The following IQANK1 variants were observed in gnomAD, a reference collection of about 807,000 sequenced individuals.
The protein encoded by IQANK1 is IQ motif and ankyrin repeat domain-containing protein 1.
IQANK1 carries 30 observed loss-of-function variants against 22.6 expected under a neutral mutation model. The observed-to-expected ratio is 1.33, with a 90% CI of 0.99 to 1.80. The LOEUF is 1.80. Ranked by LOEUF, IQANK1 falls within the 40% of genes most tolerant of loss-of-function variation. IQANK1 has a pLI of 0.00. For synonymous variants in IQANK1, 122 were observed against 99.6 expected (o/e 1.23, Z -1.34); for missense variants, 275 against 235.2 (o/e 1.17, Z -1.11).
At chr8:143,776,683 G>A (rs1409564181) in intron 7 of IQANK1, among the ~76,000 whole-genome samples, 1 of 152,176 alleles carries the variant, frequency 6.6e-6, no homozygotes, top group African/African-American at 2.4e-5. Flanking sequence ...GACAGCTGAA[G>A]AAAGAAAGAA....
rs370833444 is a variant in IQANK1 at position 143,766,516 on chromosome 8, C to CA, written c.176-4967dup. Among the ~76,000 whole-genome samples the CA allele has an allele frequency of 5.8e-3, 879 of 151,972 alleles. 4 individuals are homozygous for CA. Among genetic ancestry groups the CA allele is most frequent in the African/African-American group, 0.018 (749 of 41,440 alleles). ...TGAAACCCCATCTCTACTAAAAATA[C>CA]AAAAATTAGCCAGGCGTGGTGGTGG... On this transcript the variant is annotated intron_variant, in intron 3 of 13. Transcript: ENST00000527139.
At chr8:143,734,390 A>C in intron 1 of IQANK1, among the ~76,000 whole-genome samples, 171 bp downstream of exon 1, 1 of 129,258 alleles carries the variant, frequency 7.7e-6, no homozygotes. Context: ...CACCACACAC[A>C]CTGATGCCCA....
At chr8:143,748,585 T>C (rs1260347204) in intron 3 of IQANK1, among the ~76,000 whole-genome samples, 2 of 133,626 alleles carry the variant, frequency 1.5e-5, no homozygotes, top group Non-Finnish European at 3.1e-5. Flanking sequence ...TATATAAATA[T>C]AGATATGATA....
Position 143,756,206 on chromosome 8 carries a change from G to A in IQANK1, c.176-15282G>A, listed in dbSNP as rs528612923. Among the ~76,000 whole-genome samples, 154 of 152,196 alleles carry A rather than the reference G, an allele frequency of 1.0e-3. 1 individual carries two copies. The highest frequency in any genetic ancestry group is 1.7e-3 in the Non-Finnish European group (116 of 68,016). ...TAGCCAAAGCATTAACTACCACCAGGAACTAAGTCAATATTTTCTTCCACG... is the reference window on the plus strand; with the variant it reads ...TAGCCAAAGCATTAACTACCACCAGAAACTAAGTCAATATTTTCTTCCACG... On this transcript the variant is annotated intron_variant, in intron 3 of 13. Coordinates refer to ENST00000527139, the MANE Select transcript of IQANK1 (RefSeq NM_001381874.1).
At position 143,789,432 on chromosome 8, in the gene IQANK1, C is replaced by T; in HGVS notation, c.994-4C>T. The T allele has an allele frequency of 1.6e-6, 2 of 1,226,014 alleles. No homozygotes were observed. Among genetic ancestry groups the T allele is most frequent in the Non-Finnish European group, 2.0e-6 (2 of 982,410 alleles). The allele number at this position is 1,226,014 out of a possible 1,614,324, so 75.9% of individuals were successfully genotyped here. ...TGCCAGGGCCTGCCCGTACGCCCAC[C>T]CAGCTGCAACAGGCCTACTGTGAGC... On this transcript the variant is annotated splice_polypyrimidine_tract_variant and splice_region_variant and intron_variant, in intron 9 of 13. Coordinates refer to ENST00000527139, the MANE Select transcript of IQANK1 (RefSeq NM_001381874.1).
At position 143,735,040 on chromosome 8, in the gene IQANK1, G is replaced by T. The variant is rs529591208; in HGVS notation, c.-4-810G>T. ...CAACCCTTTCTGATGGTCATCAGTC[G>T]CCTTTCTCTTTGTTCCTCTTGCCAT... is the stretch of plus-strand genomic sequence containing the variant. On this transcript the variant is annotated intron_variant, in intron 1 of 13. Transcript: ENST00000527139. This position sits in a 1 kb window ranked among gnomAD's most constrained non-coding sequence, Gnocchi z 5.2. Among the ~76,000 whole-genome samples, 2 of 152,300 alleles carry T rather than the reference G, an allele frequency of 1.3e-5. No individual in the cohort carries two copies. The highest frequency in any genetic ancestry group is 4.1e-4 in the South Asian group (2 of 4,828).
intron 7 of IQANK1, 51 bp downstream of exon 7, chr8:143,772,533 T>C: frequency 2.5e-6 from 1 of 397,870 alleles, no homozygotes; most frequent in Non-Finnish European, 4.4e-6. Context: ...CCGGGAGGTG[T>C]GGGCCTCGGG....
chr8:143,756,427 G>C (rs1381141063), intron 3 of IQANK1, among the ~76,000 whole-genome samples: 5 of 152,030 alleles, frequency 3.3e-5, no homozygotes, highest in Admixed American at 1.3e-4. Context: ...CAATAGGGAG[G>C]AGGTGATGGA....
intron 3 of IQANK1, among the ~76,000 whole-genome samples, chr8:143,761,809 T>G (rs1554628903): frequency 8.3e-5 from 2 of 24,186 alleles, no homozygotes; most frequent in African/African-American, 1.2e-4. Flanking sequence ...AATTTCAGTG[T>G]TTTTTTTTTT....
rs868911320 is a variant in IQANK1 at position 143,753,956 on chromosome 8, G to T, written c.175+14008G>T. Among the ~76,000 whole-genome samples, 8 of 152,052 alleles carry T rather than the reference G, an allele frequency of 5.3e-5. No homozygotes were observed. In the South Asian group the frequency reaches 1.2e-3, roughly 24 times the overall value. On this transcript the variant is annotated intron_variant, in intron 3 of 13. Coordinates refer to ENST00000527139, the MANE Select transcript of IQANK1 (RefSeq NM_001381874.1). ...TTTTTTTTCTTTTCTACTGTTGTAG[G>T]CTGTCTCTTTCCAAGGCTCAGCTGG...
At chr8:143,778,451 G>A (rs1819732914) in intron 7 of IQANK1, among the ~76,000 whole-genome samples, 1 of 152,148 alleles carries the variant, frequency 6.6e-6, no homozygotes, top group African/African-American at 2.4e-5. Context: ...TCATCATGAG[G>A]ACATAAAAAT....
At chr8:143,748,082 C>T (rs1443547398) in intron 3 of IQANK1, among the ~76,000 whole-genome samples, 2 of 151,844 alleles carry the variant, frequency 1.3e-5, no homozygotes, top group Non-Finnish European at 2.9e-5. Context: ...GCAACCTCTG[C>T]CTCCCGGGCT....
At chr8:143,782,550 G>A (rs1253219107) in intron 7 of IQANK1, among the ~76,000 whole-genome samples, 1 of 151,768 alleles carries the variant, frequency 6.6e-6, no homozygotes, top group Non-Finnish European at 1.5e-5. Context: ...GCACAATCTT[G>A]GCTCACTGCA....
At chr8:143,746,898 G>A (rs775678353) in intron 3 of IQANK1, among the ~76,000 whole-genome samples, 1 of 151,812 alleles carries the variant, frequency 6.6e-6, no homozygotes, top group Non-Finnish European at 1.5e-5. Context: ...ATCTATTTAT[G>A]AGATGGAGTC....
At chr8:143,757,339 C>CTTT (rs781980396) in intron 3 of IQANK1, among the ~76,000 whole-genome samples, 1 of 143,314 alleles carries the variant, frequency 7.0e-6, no homozygotes, top group African/African-American at 2.5e-5. Context: ...ATGTGTCTTT[C>CTTT]TTTTTTTTTT....
chr8:143,780,776 GCAGTCAAC>G (rs1554630864), intron 7 of IQANK1, among the ~76,000 whole-genome samples: 2 of 152,164 alleles, frequency 1.3e-5, no homozygotes, highest in African/African-American at 4.8e-5. Context: ...GAATAGTGCT[GCAGTCAAC>G]ATATGCGTGC....
intron 7 of IQANK1, among the ~76,000 whole-genome samples, chr8:143,773,985 G>A (rs2129916179): frequency 6.6e-6 from 1 of 152,290 alleles, no homozygotes; most frequent in East Asian, 1.9e-4. Context: ...CCATGGTGCT[G>A]GAGCATTGGC....
At chr8:143,754,514 C>T (rs1440572754) in intron 3 of IQANK1, among the ~76,000 whole-genome samples, 1 of 152,164 alleles carries the variant, frequency 6.6e-6, no homozygotes, top group African/African-American at 2.4e-5. Context: ...CCATGTAGCT[C>T]AGTTTTGCTA....
In IQANK1 at chr8:143,770,564, C is replaced by T. The variant is rs139936302; in HGVS notation, c.176-924C>T. ...CTCATCCCGCCATTCTGCCCATGCTCCCTGGGAGCTTGGTTGTGGGAATCA... is the reference window on the plus strand; with the variant it reads ...CTCATCCCGCCATTCTGCCCATGCTTCCTGGGAGCTTGGTTGTGGGAATCA... On this transcript the variant is annotated intron_variant, in intron 3 of 13. Transcript: ENST00000527139. Among the ~76,000 whole-genome samples the T allele has an allele frequency of 5.9e-3, 902 of 152,346 alleles. 6 individuals carry two copies. Among genetic ancestry groups the T allele is most frequent in the African/African-American group, 0.02 (821 of 41,590 alleles).
Sources: allele counts gnomAD v4.1 joint callset (sites outside exome capture counted in the v4.1 genomes callset), GRCh38; gene constraint gnomAD v4.1.1; non-coding constraint Gnocchi (gnomAD v3.1); transcripts MANE v1.5; gene names NCBI Gene and HGNC (gene_info 2026-07-23, HGNC 2026-07-21).